LAMA2: variants seen among roughly 807,000 people sequenced by gnomAD.
The protein encoded by LAMA2 is laminin subunit alpha 2.
LAMA2 carries 269 observed loss-of-function variants against 364.8 expected under a neutral mutation model. The ratio of observed to expected loss-of-function variants is 0.74; its 90% CI spans 0.67 to 0.82. The LOEUF (loss-of-function observed/expected upper bound fraction) is 0.82. Ranked by LOEUF, LAMA2 falls within the 40% of genes least tolerant of loss-of-function variation. The probability of loss-of-function intolerance (pLI) is 0.00; values close to 1 mark genes in which losing one functional copy is unlikely to be tolerated. For synonymous variants in LAMA2, 1,379 were observed against 1,370.6 expected (o/e 1.01, Z -0.14); for missense variants, 3,807 against 3,873.2 (o/e 0.98, Z 0.45).
At chr6:129,143,342 A>G (rs1450618774) in intron 4 of LAMA2, among the ~76,000 whole-genome samples, 1 of 151,952 alleles carries the variant, frequency 6.6e-6, no homozygotes, top group Admixed American at 6.6e-5. Flanking sequence ...AATACAGATA[A>G]CGACAACCTA....
intron 1 of LAMA2, among the ~76,000 whole-genome samples, chr6:128,995,520 C>T (rs1783876699): frequency 1.3e-5 from 2 of 152,274 alleles, no homozygotes; most frequent in South Asian, 2.1e-4. Flanking sequence ...GACAGGGTTT[C>T]GCCGTGTTGG....
chr6:129,477,958 T>G (rs577571990), intron 53 of LAMA2, among the ~76,000 whole-genome samples: 63 of 150,638 alleles, frequency 4.2e-4, no homozygotes, highest in African/African-American at 1.5e-3. Flanking sequence ...CTACTTTTTT[T>G]GGAGGGGAGG....
chr6:128,909,275 C>G (rs952105131), intron 1 of LAMA2, among the ~76,000 whole-genome samples: 6 of 152,112 alleles, frequency 3.9e-5, no homozygotes, highest in Middle Eastern at 3.4e-3. Flanking sequence ...GAGTCTAAGT[C>G]TCTTTGTAGG....
At chr6:129,120,611 A>G (rs2494937) in intron 4 of LAMA2, among the ~76,000 whole-genome samples, 105,812 of 152,142 alleles carry the variant, frequency 0.7, 39,160 homozygotes, top group East Asian at 0.83. Flanking sequence ...TATTATTTAT[A>G]TGACCTTAAA....
At chr6:129,463,451 A>G (rs1433968006) in intron 49 of LAMA2, among the ~76,000 whole-genome samples, 2 of 151,898 alleles carry the variant, frequency 1.3e-5, no homozygotes, top group East Asian at 3.9e-4. Flanking sequence ...GGGGATCTAC[A>G]GCTCTGTGTT....
At chr6:129,210,024 A>AAAAAAAAAT (rs200129656) in intron 12 of LAMA2, among the ~76,000 whole-genome samples, 5 of 145,330 alleles carry the variant, frequency 3.4e-5, no homozygotes, top group South Asian at 2.3e-4. Context: ...AAAAAAAAAA[A>AAAAAAAAAT]ATTTTTACTA....
intron 1 of LAMA2, among the ~76,000 whole-genome samples, chr6:128,903,101 C>T (rs1033218069): frequency 1.3e-5 from 2 of 151,646 alleles, no homozygotes; most frequent in African/African-American, 4.9e-5. Context: ...TTGTAATTTA[C>T]TTAGTGAAAT....
At chr6:129,191,859 A>C (rs897738353) in intron 11 of LAMA2, among the ~76,000 whole-genome samples, 1 of 152,210 alleles carries the variant, frequency 6.6e-6, no homozygotes, top group Non-Finnish European at 1.5e-5. Context: ...CTGGTACCCT[A>C]AGCCCTCAGT....
At chr6:129,284,561 G>C (rs1347591913) in intron 18 of LAMA2, among the ~76,000 whole-genome samples, 1 of 151,936 alleles carries the variant, frequency 6.6e-6, no homozygotes, top group Admixed American at 6.6e-5. Flanking sequence ...TTTCTAATTT[G>C]CTTGGCTAGA....
chr6:129,359,192 C>T (rs1777320285), intron 32 of LAMA2, among the ~76,000 whole-genome samples: 3 of 150,460 alleles, frequency 2.0e-5, no homozygotes, highest in Admixed American at 2.0e-4. Flanking sequence ...AAGAGTTACA[C>T]CATCTTTGAA....
intron 40 of LAMA2, among the ~76,000 whole-genome samples, chr6:129,410,472 A>G (rs1780476817): frequency 6.6e-6 from 1 of 152,148 alleles, no homozygotes. Flanking sequence ...ATACACTCAC[A>G]ATGTTCCTTA....
chr6:129,173,256 T>G (rs1780339096), intron 9 of LAMA2, among the ~76,000 whole-genome samples: 1 of 152,206 alleles, frequency 6.6e-6, no homozygotes, highest in Non-Finnish European at 1.5e-5. Context: ...TATCAGTACT[T>G]TTATCACCAT....
chr6:129,345,809 C>T (rs1324265282), intron 30 of LAMA2, among the ~76,000 whole-genome samples: 2 of 152,018 alleles, frequency 1.3e-5, no homozygotes, highest in African/African-American at 2.4e-5. Context: ...TCACTTATAT[C>T]ACCATCTAAA....
At chr6:129,050,262 G>C (rs1787908081) in intron 2 of LAMA2, among the ~76,000 whole-genome samples, 174 bp downstream of exon 2, 1 of 152,260 alleles carries the variant, frequency 6.6e-6, no homozygotes, top group South Asian at 2.1e-4. Context: ...CATTATTGGA[G>C]TTCCTGCTAT....
At chr6:128,935,175 T>C (rs1779738397) in intron 1 of LAMA2, among the ~76,000 whole-genome samples, 1 of 152,128 alleles carries the variant, frequency 6.6e-6, no homozygotes, top group Non-Finnish European at 1.5e-5. Flanking sequence ...CAACTCATCA[T>C]TTACATTAGG....
intron 4 of LAMA2, among the ~76,000 whole-genome samples, chr6:129,123,511 G>T (rs1776930261): frequency 6.6e-6 from 1 of 152,018 alleles, no homozygotes; most frequent in African/African-American, 2.4e-5. Flanking sequence ...AATAAATAAG[G>T]AAAATGTGGT....
rs76716101 is a variant in LAMA2, at chr6:129,330,643, C to T, written c.4311+2231C>T. ...CACTGTGTCGTTTCTCTCTAGTTCA[C>T]TTCTTCTAAATACTTCCACTTCAAT... On this transcript the variant is annotated intron_variant, in intron 29 of 64. Coordinates refer to ENST00000421865, the MANE Select transcript of LAMA2 (RefSeq NM_000426.4). 2.6e-3 allele frequency among the ~76,000 whole-genome samples: 346 copies of T among 133,052 alleles called. 7 individuals carry two copies. Among genetic ancestry groups the T allele is most frequent in the East Asian group, 0.018 (84 of 4,544 alleles). The allele number at this position is 133,052 out of a possible 152,430, so 87.3% of individuals were successfully genotyped here. A position where few individuals can be genotyped will look rare whatever the true frequency, so the allele number is the denominator to read the frequency against.
At chr6:129,267,025 A>G (rs2114344369) in intron 15 of LAMA2, 81 bp from the exon 16 acceptor site, 1 of 883,072 alleles carries the variant, frequency 1.1e-6, no homozygotes, top group Non-Finnish European at 1.9e-6. Context: ...ATTTTCTGTT[A>G]TCAGAAAACA....
rs533304426 is a variant in LAMA2, at chr6:129,349,783, A to C, written c.4523+399A>C. 2.6e-5 allele frequency among the ~76,000 whole-genome samples: 4 copies of C among 152,202 alleles called. No homozygotes were observed. In the South Asian group the frequency reaches 8.3e-4, roughly 32 times the overall value. On this transcript the variant is annotated intron_variant, in intron 31 of 64. Coordinates refer to ENST00000421865, the MANE Select transcript of LAMA2 (RefSeq NM_000426.4). ...GGAAAATATTGTCTGGAAGTAACTG[A>C]ATTCACGTCATTGTTCTGAACACTA...
Sources: gnomAD v4.1 joint callset for allele counts (sites outside exome capture counted in the v4.1 genomes callset) on GRCh38, gnomAD v4.1.1 for gene constraint, MANE v1.5 for transcripts, NCBI Gene and HGNC (gene_info 2026-07-23, HGNC 2026-07-21) for gene names.